The following BACH2 variants were observed in gnomAD, a reference collection of about 807,000 sequenced individuals.
The protein encoded by BACH2 is BACH transcriptional regulator 2.
A neutral mutation model predicts 61.8 loss-of-function variants in BACH2; 5 were observed. That is an observed-to-expected ratio of 0.08 (90% confidence interval 0.04 to 0.17). The LOEUF (loss-of-function observed/expected upper bound fraction) is 0.17, where lower values mean the gene tolerates loss of function less well. BACH2 is among the 10% of genes least tolerant of loss of function. The pLI is 1.00. For synonymous variants in BACH2, 446 were observed against 440.1 expected (o/e 1.01, Z -0.17); for missense variants, 824 against 1,091.1 (o/e 0.76, Z 3.45).
At position 89,950,300 on chromosome 6, in the gene BACH2, C is replaced by A. The variant is rs369633219; in HGVS notation, c.1806G>T (p.Glu602Asp). 1 of 1,614,062 alleles carries A rather than the reference C, an allele frequency of 6.2e-7. No homozygotes were observed. Among genetic ancestry groups the A allele is most frequent in the Non-Finnish European group, 8.5e-7 (1 of 1,180,048 alleles). ...GGCCCCTGTCCTGCACAGGACACGA[C>A]TCACTGTCTGCTTCCGAGAACGATC... is the stretch of plus-strand genomic sequence containing the variant. ...ESGSFSEADS[E>D]SCPVQDRGQE... Residue 602 changes from glutamate to aspartate, a missense_variant, in exon 7 of 9, where the codon GAG becomes GAT. Coordinates refer to ENST00000257749, the MANE Select transcript of BACH2 (RefSeq NM_021813.4). The surrounding 1 kb of genome is among the most constrained non-coding windows in gnomAD (Gnocchi z 5.3).
At chr6:90,275,558 T>C (rs1298682926) in intron 1 of BACH2, among the ~76,000 whole-genome samples, 3 of 152,302 alleles carry the variant, frequency 2.0e-5, no homozygotes, top group African/African-American at 4.8e-5. Context: ...ATGGGTAACT[T>C]GCGTCATGGG....
chr6:90,035,847 T>C (rs1779236166), intron 5 of BACH2, among the ~76,000 whole-genome samples: 1 of 151,946 alleles, frequency 6.6e-6, no homozygotes, highest in Admixed American at 6.6e-5. Flanking sequence ...AACCATTTAG[T>C]AACAATAACA....
chr6:90,014,386 A>AT lies in BACH2; in HGVS notation c.-12-5531dup, dbSNP rs1777904350. ...TGGGATAGTCTTTAACTATAAATTC[A>AT]TTTTTTTAAATTGTCAAATTTATTG... On this transcript the variant is annotated intron_variant, in intron 5 of 8. Transcript: ENST00000257749. Among the ~76,000 whole-genome samples the AT allele has an allele frequency of 2.6e-5, 3 of 114,386 alleles. No individual in the cohort carries two copies. In the South Asian group the frequency reaches 8.2e-4, roughly 31 times the overall value. The allele number at this position is 114,386 out of a possible 152,430, so 75.0% of individuals were successfully genotyped here.
intron 3 of BACH2, among the ~76,000 whole-genome samples, chr6:90,225,025 A>G (rs918167465): frequency 2.6e-5 from 4 of 152,172 alleles, no homozygotes; most frequent in Non-Finnish European, 4.4e-5. Flanking sequence ...TTTACTGAGC[A>G]CCTGCCACGA....
chr6:90,022,154 A>G (rs762113327), intron 5 of BACH2, among the ~76,000 whole-genome samples: 1 of 152,040 alleles, frequency 6.6e-6, no homozygotes, highest in African/African-American at 2.4e-5. Context: ...ACAAGTCCCA[A>G]TTTTTTTTGC....
intron 4 of BACH2, among the ~76,000 whole-genome samples, chr6:90,134,127 A>C (rs1784194752): frequency 2.6e-5 from 4 of 152,156 alleles, no homozygotes; most frequent in Admixed American, 2.6e-4. Flanking sequence ...TGACTTCCAC[A>C]ATGGTTGAAC....
In BACH2 at chr6:90,101,834, T is replaced by C. The variant is rs924438950; in HGVS notation, c.-161-12725A>G. ...TTTATGTTTCCTTAATTTCTTTCTA[T>C]AGTATTCTGTAATTTTCAGTGTTCA... is the stretch of plus-strand genomic sequence containing the variant. On this transcript the variant is annotated intron_variant, in intron 4 of 8. Coordinates refer to ENST00000257749, the MANE Select transcript of BACH2 (RefSeq NM_021813.4). 4.6e-5 allele frequency among the ~76,000 whole-genome samples: 7 copies of C among 152,216 alleles called. 1 individual carries two copies. Among genetic ancestry groups the C allele is most frequent in the Admixed American group, 3.9e-4 (6 of 15,284 alleles).
At chr6:90,001,065 G>GC (rs142513441) in intron 6 of BACH2, among the ~76,000 whole-genome samples, 1,905 of 152,244 alleles carry the variant, frequency 0.013, 43 homozygotes, top group African/African-American at 0.043. Context: ...AGATCATCCA[G>GC]CCCCAATCCA....
chr6:90,031,536 C>T (rs989226937), intron 5 of BACH2, among the ~76,000 whole-genome samples: 10 of 152,266 alleles, frequency 6.6e-5, no homozygotes, highest in African/African-American at 1.9e-4. Context: ...GTGCAAAAAT[C>T]ATGAGCATTC....
intron 5 of BACH2, among the ~76,000 whole-genome samples, chr6:90,062,548 C>G (rs1034010536): frequency 1.3e-5 from 2 of 152,158 alleles, no homozygotes; most frequent in African/African-American, 4.8e-5. Context: ...GTATTTAGCA[C>G]AAATAGCAAT....
intron 6 of BACH2, among the ~76,000 whole-genome samples, chr6:89,975,191 T>A (rs1465027667): frequency 6.6e-6 from 1 of 152,172 alleles, no homozygotes; most frequent in Non-Finnish European, 1.5e-5. Flanking sequence ...AAGCTTCAGA[T>A]GCAGATTTTT....
intron 6 of BACH2, among the ~76,000 whole-genome samples, chr6:89,977,123 A>G (rs912241220): frequency 1.3e-5 from 2 of 152,240 alleles, no homozygotes; most frequent in African/African-American, 2.4e-5. Flanking sequence ...GCTAGGATAT[A>G]CAATGAACTT....
intron 5 of BACH2, among the ~76,000 whole-genome samples, chr6:90,074,220 G>A (rs1781371627): frequency 6.6e-6 from 1 of 152,116 alleles, no homozygotes; most frequent in Non-Finnish European, 1.5e-5. Context: ...AATGTTTGTG[G>A]TGCATATTTT....
intron 4 of BACH2, among the ~76,000 whole-genome samples, chr6:90,139,061 T>C (rs1014906153): frequency 6.6e-6 from 1 of 152,126 alleles, no homozygotes; most frequent in Non-Finnish European, 1.5e-5. Flanking sequence ...AAACAGGATA[T>C]GCCTACTTGA....
chr6:90,292,507 T>C (rs576845959), intron 1 of BACH2, among the ~76,000 whole-genome samples: 19 of 152,352 alleles, frequency 1.2e-4, no homozygotes, highest in African/African-American at 3.8e-4. Context: ...ACTGTACTCA[T>C]GGTATTAAAT....
intron 7 of BACH2, among the ~76,000 whole-genome samples, chr6:89,943,451 TA>T (rs1170324282): frequency 6.6e-6 from 1 of 151,736 alleles, no homozygotes; most frequent in Non-Finnish European, 1.5e-5. Flanking sequence ...AAGTATTATA[TA>T]AAAATTACAT....
intron 7 of BACH2, among the ~76,000 whole-genome samples, chr6:89,941,010 A>G (rs1477891564): frequency 6.6e-6 from 1 of 152,152 alleles, no homozygotes; most frequent in Admixed American, 6.5e-5. Flanking sequence ...GAATAAATGG[A>G]CTCAATGAAT....
intron 2 of BACH2, among the ~76,000 whole-genome samples, chr6:90,265,537 C>T (rs936660505): frequency 6.6e-6 from 1 of 152,204 alleles, no homozygotes. Flanking sequence ...CTGAACATGG[C>T]TGTCTTAATT....
At chr6:90,035,171 C>T (rs530105271) in intron 5 of BACH2, among the ~76,000 whole-genome samples, 28 of 152,248 alleles carry the variant, frequency 1.8e-4, no homozygotes, top group Admixed American at 1.1e-3. Flanking sequence ...CAAAGTTTAT[C>T]TAACTACCCT....
Sources: gnomAD v4.1 joint callset for allele counts (sites outside exome capture counted in the v4.1 genomes callset) on GRCh38, gnomAD v4.1.1 for gene constraint, Gnocchi (gnomAD v3.1) non-coding constraint, MANE v1.5 for transcripts, NCBI Gene and HGNC (gene_info 2026-07-23, HGNC 2026-07-21) for gene names.